PTPRM: variants seen among roughly 807,000 people sequenced by gnomAD.
PTPRM encodes the protein protein tyrosine phosphatase receptor type M, also known as receptor-type tyrosine-protein phosphatase mu.
Under a neutral mutation model 186.7 loss-of-function variants are expected in PTPRM, and 47 were observed. The observed-to-expected ratio is 0.25, with a 90% CI of 0.20 to 0.32. PTPRM has a LOEUF of 0.32. Ranked by LOEUF, PTPRM falls within the 10% of genes least tolerant of loss-of-function variation. The pLI is 1.00. For synonymous variants in PTPRM, 668 were observed against 674.9 expected, an observed-to-expected ratio of 0.99 and a Z score of 0.16; for missense variants, 1,494 against 1,865.0, an observed-to-expected ratio of 0.80 and a Z score of 3.66.
chr18:8,353,892 C>T (rs1003082671), intron 23 of PTPRM, among the ~76,000 whole-genome samples: 2 of 152,104 alleles, frequency 1.3e-5, no homozygotes, highest in Non-Finnish European at 1.5e-5. Flanking sequence ...ATGGCACAAA[C>T]TATGGGACAA....
intron 2 of PTPRM, among the ~76,000 whole-genome samples, chr18:7,872,710 A>G (rs1343095784): frequency 1.3e-5 from 2 of 152,218 alleles, no homozygotes; most frequent in African/African-American, 4.8e-5. Context: ...CTGTGGAGGC[A>G]GAAGATGAAG....
At chr18:8,027,058 G>T (rs567923111) in intron 7 of PTPRM, among the ~76,000 whole-genome samples, 1 of 152,236 alleles carries the variant, frequency 6.6e-6, no homozygotes, top group East Asian at 1.9e-4. Context: ...GACACAAATA[G>T]ATATCCATTT....
At chr18:8,173,034 T>C (rs1178453974) in intron 14 of PTPRM, among the ~76,000 whole-genome samples, 1 of 152,194 alleles carries the variant, frequency 6.6e-6, no homozygotes, top group Non-Finnish European at 1.5e-5. Flanking sequence ...GTTCAGGGAT[T>C]AGGAGTGGTA....
chr18:8,063,035 T>A (rs2088705964), intron 7 of PTPRM, among the ~76,000 whole-genome samples: 1 of 151,138 alleles, frequency 6.6e-6, no homozygotes, highest in African/African-American at 2.4e-5. Context: ...GCCTGGGCAA[T>A]GGCGGGCGCC....
intron 2 of PTPRM, among the ~76,000 whole-genome samples, chr18:7,779,456 C>T (rs1210786100): frequency 6.6e-6 from 1 of 152,164 alleles, no homozygotes; most frequent in East Asian, 1.9e-4. Flanking sequence ...GCAGCGTGTG[C>T]ACTCTGTGTG....
chr18:8,046,016 G>T (rs991588035), intron 7 of PTPRM, among the ~76,000 whole-genome samples: 1 of 152,078 alleles, frequency 6.6e-6, no homozygotes, highest in African/African-American at 2.4e-5. Context: ...TAGTGTCATG[G>T]GGAGGTAATC....
chr18:7,885,586 A>C (rs1310997645), intron 2 of PTPRM, among the ~76,000 whole-genome samples: 3 of 152,212 alleles, frequency 2.0e-5, no homozygotes, highest in Non-Finnish European at 4.4e-5. Context: ...TCCCCTGTCT[A>C]GTAATCCTCT....
At chr18:8,196,994 G>A (rs1407712030) in intron 14 of PTPRM, among the ~76,000 whole-genome samples, 1 of 152,200 alleles carries the variant, frequency 6.6e-6, no homozygotes, top group Non-Finnish European at 1.5e-5. Flanking sequence ...AGCCAATTGG[G>A]AGTGTATTAT....
intron 1 of PTPRM, among the ~76,000 whole-genome samples, chr18:7,700,989 A>AG (rs2039949952): frequency 6.9e-6 from 1 of 145,602 alleles, no homozygotes; most frequent in African/African-American, 2.6e-5. Context: ...AAAAAAAAAA[A>AG]AAAAAAAGAA....
intron 29 of PTPRM, among the ~76,000 whole-genome samples, chr18:8,380,722 CA>C (rs2095728520): frequency 6.6e-6 from 1 of 152,178 alleles, no homozygotes; most frequent in African/African-American, 2.4e-5. Context: ...TGGAGGTTGA[CA>C]AGGTCGCAGA....
chr18:7,947,232 A>G (rs1421490578), intron 5 of PTPRM, among the ~76,000 whole-genome samples: 1 of 152,136 alleles, frequency 6.6e-6, no homozygotes, highest in Non-Finnish European at 1.5e-5. Flanking sequence ...TGGAATTGTT[A>G]TGGCTGTGTC....
intron 14 of PTPRM, among the ~76,000 whole-genome samples, chr18:8,205,103 A>T (rs1480838539): frequency 2.6e-5 from 4 of 152,248 alleles, no homozygotes; most frequent in Non-Finnish European, 2.9e-5. Context: ...TTCTAGCCTT[A>T]GGAACAAAAT....
At chr18:7,975,520 A>G (rs80058181) in intron 7 of PTPRM, among the ~76,000 whole-genome samples, 15,456 of 152,236 alleles carry the variant, frequency 0.1, 1,878 homozygotes, top group African/African-American at 0.3. Context: ...CATACTGTAT[A>G]ATTTCAACTA....
chr18:7,778,081 G>T (rs1228905774), intron 2 of PTPRM, among the ~76,000 whole-genome samples: 1 of 152,132 alleles, frequency 6.6e-6, no homozygotes, highest in East Asian at 1.9e-4. Flanking sequence ...CTTTTTCTGT[G>T]TCTTTTTAAA....
At chr18:8,024,004 T>A (rs995320057) in intron 7 of PTPRM, among the ~76,000 whole-genome samples, 69 of 152,290 alleles carry the variant, frequency 4.5e-4, no homozygotes, top group African/African-American at 1.6e-3. Context: ...AATTATTATG[T>A]ACTTATTTTT....
chr18:8,242,498 A>G (rs1483972254), intron 14 of PTPRM, among the ~76,000 whole-genome samples: 1 of 152,166 alleles, frequency 6.6e-6, no homozygotes, highest in African/African-American at 2.4e-5. Context: ...AGAAGGGATG[A>G]TCATGATCCC....
At chr18:8,268,600 C>T (rs963895240) in intron 19 of PTPRM, among the ~76,000 whole-genome samples, 8 of 151,974 alleles carry the variant, frequency 5.3e-5, no homozygotes, top group Non-Finnish European at 8.8e-5. Context: ...TTACCCTGAT[C>T]CAAAGCCAGA....
intron 14 of PTPRM, among the ~76,000 whole-genome samples, chr18:8,201,604 A>G (rs1215304043): frequency 6.6e-6 from 1 of 152,210 alleles, no homozygotes; most frequent in Non-Finnish European, 1.5e-5. Context: ...GAAGTCTAAG[A>G]TCACGGTGCT....
At chr18:8,211,377 C>CTTTTTTTTTTTT (rs970926126) in intron 14 of PTPRM, among the ~76,000 whole-genome samples, 242 of 87,212 alleles carry the variant, frequency 2.8e-3, no homozygotes, top group Non-Finnish European at 3.3e-3. Flanking sequence ...GTCTCTTCTT[C>CTTTTTTTTTTTT]TTTTTTTTTT....
Sources: allele counts gnomAD v4.1 joint callset (sites outside exome capture counted in the v4.1 genomes callset), GRCh38; gene constraint gnomAD v4.1.1; transcripts MANE v1.5; gene names NCBI Gene and HGNC (gene_info 2026-07-23, HGNC 2026-07-21).